ROBO2: variants seen among roughly 807,000 people sequenced by gnomAD.
The protein encoded by ROBO2 is roundabout guidance receptor 2.
In ROBO2, 53 loss-of-function variants were observed where a neutral mutation model predicts 160.8. The observed-to-expected ratio is 0.33, with a 90% confidence interval of 0.26 to 0.41. The LOEUF is 0.41. Among genes scored for constraint, ROBO2 ranks in the 10% least tolerant of loss-of-function variants. The pLI, the probability that ROBO2 is intolerant of heterozygous loss-of-function variation, is 1.00. For synonymous variants in ROBO2, 664 were observed against 611.7 expected, an observed-to-expected ratio of 1.09 and a Z score of -1.26; for missense variants, 1,577 against 1,722.4, an observed-to-expected ratio of 0.92 and a Z score of 1.49.
rs997194788 is a variant in ROBO2 at position 77,176,378 on chromosome 3, T to C, written c.388+78038T>C. ...TTTCCCTTTCGGTGCATTCAGGGTC[T>C]GTGTGGAAGAATTAATGCTTTCAGA... On this transcript the variant is annotated intron_variant, in intron 2 of 25. Transcript: ENST00000461745. Among the ~76,000 whole-genome samples the C allele has an allele frequency of 1.8e-4, 27 of 152,190 alleles. 1 individual carries two copies. Among genetic ancestry groups the C allele is most frequent in the Admixed American group, 1.6e-3 (25 of 15,256 alleles).
At chr3:75,994,912 G>T (rs2065681847) in intron 2 of ROBO2, among the ~76,000 whole-genome samples, 1 of 152,188 alleles carries the variant, frequency 6.6e-6, no homozygotes, top group Non-Finnish European at 1.5e-5. Flanking sequence ...TGAGAAACTT[G>T]TTGGGAAATG....
intron 2 of ROBO2, among the ~76,000 whole-genome samples, chr3:76,850,110 C>T (rs1238589583): frequency 6.6e-6 from 1 of 152,088 alleles, no homozygotes; most frequent in African/African-American, 2.4e-5. Flanking sequence ...TCACTTGAAC[C>T]TGAGAGACAG....
chr3:76,585,739 C>A (rs1017281189), intron 2 of ROBO2, among the ~76,000 whole-genome samples: 2 of 152,162 alleles, frequency 1.3e-5, no homozygotes, highest in African/African-American at 4.8e-5. Context: ...AGAAAAACCA[C>A]TTGGTTAATT....
intron 2 of ROBO2, among the ~76,000 whole-genome samples, chr3:76,384,907 T>C (rs1211905447): frequency 1.3e-5 from 2 of 152,186 alleles, no homozygotes; most frequent in African/African-American, 4.8e-5. Flanking sequence ...ACCCTACCAG[T>C]GCATGAACAT....
chr3:76,318,783 T>A (rs34793987), intron 2 of ROBO2, among the ~76,000 whole-genome samples: 10,394 of 152,124 alleles, frequency 0.068, 436 homozygotes, highest in African/African-American at 0.12. Flanking sequence ...TAGTTGAATG[T>A]TAAAAAATGG....
chr3:76,937,412 T>G (rs1324116269), intron 2 of ROBO2, among the ~76,000 whole-genome samples: 1 of 152,152 alleles, frequency 6.6e-6, no homozygotes, highest in East Asian at 1.9e-4. Flanking sequence ...CTTCTAGTTA[T>G]TTACCCATGT....
chr3:76,606,188 G>A (rs969109666), intron 2 of ROBO2, among the ~76,000 whole-genome samples: 1 of 152,054 alleles, frequency 6.6e-6, no homozygotes, highest in African/African-American at 2.4e-5. Context: ...AGCACGAACT[G>A]CTTCTTTGCA....
chr3:76,941,168 T>C (rs1174062148), intron 2 of ROBO2, among the ~76,000 whole-genome samples: 2 of 152,124 alleles, frequency 1.3e-5, no homozygotes, highest in African/African-American at 2.4e-5. Context: ...ATTGCATTTT[T>C]TTTGATGGAT....
intron 2 of ROBO2, among the ~76,000 whole-genome samples, chr3:77,254,888 C>T (rs1274947172): frequency 6.6e-6 from 1 of 152,216 alleles, no homozygotes; most frequent in African/African-American, 2.4e-5. Flanking sequence ...GTCAGATCTT[C>T]TGACACAAGG....
intron 2 of ROBO2, among the ~76,000 whole-genome samples, chr3:75,975,405 A>G (rs1196703482): frequency 1.3e-5 from 2 of 151,350 alleles, no homozygotes; most frequent in Non-Finnish European, 3.0e-5. Context: ...CGCTTTATTT[A>G]TATGTACTAA....
At chr3:76,093,753 CAGA>C (rs1392408836) in intron 2 of ROBO2, among the ~76,000 whole-genome samples, 1 of 151,760 alleles carries the variant, frequency 6.6e-6, no homozygotes, top group African/African-American at 2.4e-5. Context: ...ATGTTTATAT[CAGA>C]GAAATAAGCC....
intron 2 of ROBO2, among the ~76,000 whole-genome samples, chr3:77,346,560 T>C (rs1436915579): frequency 6.6e-6 from 1 of 152,186 alleles, no homozygotes; most frequent in African/African-American, 2.4e-5. Context: ...GTAAGAAGTT[T>C]AGGCTCAGCT....
At chr3:77,109,086 A>T (rs1430809201) in intron 2 of ROBO2, among the ~76,000 whole-genome samples, 1 of 152,028 alleles carries the variant, frequency 6.6e-6, no homozygotes, top group African/African-American at 2.4e-5. Context: ...AAAAGAGGAG[A>T]TAAAATGTTG....
intron 2 of ROBO2, among the ~76,000 whole-genome samples, chr3:77,386,799 C>T (rs376505528): frequency 1.3e-5 from 2 of 151,558 alleles, no homozygotes; most frequent in Non-Finnish European, 2.9e-5. Context: ...GACAAGGTTT[C>T]ACCAGGTTGG....
chr3:77,149,631 TCA>T (rs1356728042), intron 2 of ROBO2, among the ~76,000 whole-genome samples: 1 of 152,156 alleles, frequency 6.6e-6, no homozygotes, highest in African/African-American at 2.4e-5. Context: ...CTCATCCAAC[TCA>T]CAGCTTGAAC....
chr3:76,517,622 C>A (rs971885545), intron 2 of ROBO2, among the ~76,000 whole-genome samples: 4 of 152,166 alleles, frequency 2.6e-5, no homozygotes, highest in African/African-American at 9.6e-5. Flanking sequence ...TATCAATTAA[C>A]CCATTTTATG....
At chr3:77,364,748 C>T (rs755446074) in intron 2 of ROBO2, among the ~76,000 whole-genome samples, 1 of 152,058 alleles carries the variant, frequency 6.6e-6, no homozygotes, top group Non-Finnish European at 1.5e-5. Flanking sequence ...TAACTTCTAG[C>T]ATGGTGTTGA....
In ROBO2 at chr3:77,293,825, G is replaced by C. The variant is rs1220022014; in HGVS notation, c.389-183589G>C. On this transcript the variant is annotated intron_variant, in intron 2 of 25. Coordinates refer to ENST00000461745, the Ensembl canonical transcript of ROBO2. ...GCTAGAACAGTAAAGACATAAAGTA[G>C]AATTGATGGTTAAACGGGTAGGCTG... 3.2e-5 allele frequency among the ~76,000 whole-genome samples: 4 copies of C among 124,876 alleles called. 1 individual carries two copies. Among genetic ancestry groups the C allele is most frequent in the African/African-American group, 1.0e-4 (3 of 28,952 alleles). The allele number at this position is 124,876 out of a possible 152,430, so 81.9% of individuals were successfully genotyped here.
intron 2 of ROBO2, among the ~76,000 whole-genome samples, chr3:76,424,100 C>T (rs1163832367): frequency 1.3e-5 from 2 of 152,150 alleles, no homozygotes; most frequent in African/African-American, 2.4e-5. Flanking sequence ...ACTTCTTTTA[C>T]TTATGAATAT....
Sources: allele counts gnomAD v4.1 joint callset (sites outside exome capture counted in the v4.1 genomes callset), GRCh38; gene constraint gnomAD v4.1.1; transcripts MANE v1.5; gene names NCBI Gene and HGNC (gene_info 2026-07-23, HGNC 2026-07-21).